The following TLK1 variants were observed in gnomAD, a reference collection of about 807,000 sequenced individuals.
TLK1 encodes tousled like kinase 1, also known as serine/threonine-protein kinase tousled-like 1.
TLK1 carries 24 observed loss-of-function variants against 105.3 expected under a neutral mutation model. The ratio of observed to expected loss-of-function variants is 0.23; its 90% CI spans 0.17 to 0.32. TLK1 has a LOEUF of 0.32. Ranked by LOEUF, TLK1 falls within the 10% of genes least tolerant of loss-of-function variation. TLK1 has a pLI of 1.00. For synonymous variants in TLK1, 321 were observed against 310.4 expected (o/e 1.03, Z -0.36); for missense variants, 558 against 910.5 (o/e 0.61, Z 4.98).
chr2:171,004,156 T>A (rs1284174883), intron 18 of TLK1, among the ~76,000 whole-genome samples: 3 of 151,950 alleles, frequency 2.0e-5, no homozygotes, highest in Non-Finnish European at 4.4e-5. Flanking sequence ...AGAGACGAGG[T>A]TTCACCACGT....
At chr2:171,053,951 ATATATT>A in intron 7 of TLK1, 98 bp from the exon 8 acceptor site, 2 of 917,856 alleles carry the variant, frequency 2.2e-6, no homozygotes, top group Non-Finnish European at 3.1e-6. Flanking sequence ...GTAAAGAAAA[ATATATT>A]TGTGTGTATA....
chr2:171,224,586 T>G (rs4668375), intron 1 of TLK1, among the ~76,000 whole-genome samples: 2 of 152,002 alleles, frequency 1.3e-5, no homozygotes, highest in East Asian at 3.8e-4. Context: ...CCCATGTTCA[T>G]GGATCTGAAG....
intron 14 of TLK1, among the ~76,000 whole-genome samples, chr2:171,008,393 A>C (rs1386234460): frequency 6.6e-6 from 1 of 152,226 alleles, no homozygotes; most frequent in Admixed American, 6.5e-5. Flanking sequence ...GAAGAATAAA[A>C]ATAAAGTAAG....
At chr2:171,148,661 T>C (rs2105591574) in intron 1 of TLK1, among the ~76,000 whole-genome samples, 1 of 152,130 alleles carries the variant, frequency 6.6e-6, no homozygotes, top group South Asian at 2.1e-4. Context: ...GAAGGGCAGA[T>C]CACCTGAGGT....
intron 12 of TLK1, among the ~76,000 whole-genome samples, chr2:171,015,316 T>A (rs557123651): frequency 2.4e-3 from 363 of 151,882 alleles, no homozygotes; most frequent in Non-Finnish European, 3.7e-3. Flanking sequence ...AATTTACTAG[T>A]AGAAAACAAA....
At chr2:171,170,308 T>C (rs1692702451) in intron 1 of TLK1, among the ~76,000 whole-genome samples, 1 of 152,254 alleles carries the variant, frequency 6.6e-6, no homozygotes, top group South Asian at 2.1e-4. Context: ...GTTATTTTGA[T>C]TTAATATAAA....
chr2:171,213,978 G>A (rs994405699), intron 1 of TLK1, among the ~76,000 whole-genome samples: 3 of 151,200 alleles, frequency 2.0e-5, no homozygotes, highest in Admixed American at 6.6e-5. Flanking sequence ...TGAGGAGTGT[G>A]GAGCTCACCT....
chr2:171,150,873 T>G (rs1692002760), intron 1 of TLK1, among the ~76,000 whole-genome samples: 1 of 152,232 alleles, frequency 6.6e-6, no homozygotes, highest in Non-Finnish European at 1.5e-5. Flanking sequence ...GATTCATGAC[T>G]AACATCCTAC....
intron 2 of TLK1, among the ~76,000 whole-genome samples, chr2:171,099,447 A>G (rs1689596313): frequency 6.6e-6 from 1 of 152,200 alleles, no homozygotes; most frequent in Non-Finnish European, 1.5e-5. Context: ...TTCAACCTAG[A>G]CATTCACCAA....
At chr2:171,063,683 T>A (rs1221549383) in intron 3 of TLK1, among the ~76,000 whole-genome samples, 1 of 152,122 alleles carries the variant, frequency 6.6e-6, no homozygotes, top group East Asian at 1.9e-4. Flanking sequence ...CTAAAGTATA[T>A]CCTAAGGAAC....
chr2:171,111,486 G>A (rs1031474374), intron 2 of TLK1, among the ~76,000 whole-genome samples: 18 of 151,536 alleles, frequency 1.2e-4, no homozygotes, highest in African/African-American at 4.1e-4. Flanking sequence ...TTGGGAGGCT[G>A]AGATAGAGGG....
At chr2:171,120,255 A>C (rs918564895) in intron 1 of TLK1, among the ~76,000 whole-genome samples, 1 of 150,608 alleles carries the variant, frequency 6.6e-6, no homozygotes. Context: ...TCAGAAAAAA[A>C]AAAAAAAAAA....
chr2:171,123,382 T>A (rs2105541595), intron 1 of TLK1, among the ~76,000 whole-genome samples: 1 of 149,382 alleles, frequency 6.7e-6, no homozygotes, highest in African/African-American at 2.5e-5. Flanking sequence ...ATTTTTTTTT[T>A]AGTAGAAACA....
chr2:171,179,566 AAAGG>A (rs2105307011), intron 1 of TLK1, among the ~76,000 whole-genome samples: 1 of 152,340 alleles, frequency 6.6e-6, no homozygotes, highest in South Asian at 2.1e-4. Context: ...AAGAAGAGAA[AAAGG>A]AAGTAGTTTT....
At chr2:171,182,935 A>AAAG (rs58968031) in intron 1 of TLK1, among the ~76,000 whole-genome samples, 6 of 128,838 alleles carry the variant, frequency 4.7e-5, no homozygotes, top group East Asian at 4.4e-4. Flanking sequence ...AAAAAAAAAA[A>AAAG]AAAGAAAGAA....
chr2:171,115,006 C>T (rs1690348470), intron 2 of TLK1, among the ~76,000 whole-genome samples: 1 of 152,046 alleles, frequency 6.6e-6, no homozygotes, highest in Non-Finnish European at 1.5e-5. Context: ...TCTTAAACTC[C>T]TAAGTTTACT....
At chr2:171,162,697 C>T (rs1692535988), upstream of TLK1, among the ~76,000 whole-genome samples, 1 of 152,232 alleles carries the variant, frequency 6.6e-6, no homozygotes, top group South Asian at 2.1e-4. Context: ...TTCTCTCCAA[C>T]CACAGATCTT....
intron 20 of TLK1, 22 bp from the exon 21 acceptor site, chr2:170,993,978 T>C: frequency 6.4e-7 from 1 of 1,563,096 alleles, no homozygotes; most frequent in African/African-American, 1.4e-5. Context: ...AAAGGAAATG[T>C]TAGCAATTAA....
At chr2:171,085,025 T>C (rs1334945655) in intron 2 of TLK1, among the ~76,000 whole-genome samples, 6 of 151,938 alleles carry the variant, frequency 3.9e-5, no homozygotes, top group African/African-American at 1.5e-4. Flanking sequence ...GCAACAAAGA[T>C]CAATATACAG....
Sources: gnomAD v4.1 joint callset for allele counts (sites outside exome capture counted in the v4.1 genomes callset) on GRCh38, gnomAD v4.1.1 for gene constraint, MANE v1.5 for transcripts, NCBI Gene and HGNC (gene_info 2026-07-23, HGNC 2026-07-21) for gene names.